TMEM230: variants seen among roughly 807,000 people sequenced by gnomAD.
TMEM230 encodes UPF0414 transmembrane protein C20orf30.
A neutral mutation model predicts 15.8 loss-of-function variants in TMEM230; 10 were observed. The ratio of observed to expected loss-of-function variants is 0.63; its 90% CI spans 0.39 to 1.07. The LOEUF is 1.07. Among genes scored for constraint, TMEM230 ranks in the 50% least tolerant of loss-of-function variants. TMEM230 has a pLI of 0.01. For missense variants in TMEM230, 165 were observed against 193.3 expected (o/e 0.85, Z 0.87); for synonymous variants, 67 against 76.9 (o/e 0.87, Z 0.68).
downstream of TMEM230, chr20:5,098,552 G>A (rs373714060): frequency 3.8e-4 from 58 of 152,182 alleles, no homozygotes; most frequent in African/African-American, 1.3e-3. Flanking sequence ...GTCTGATTTT[G>A]GCTTCATAAA....
intron 3 of TMEM230, among the ~76,000 whole-genome samples, chr20:5,075,841 C>T (rs1481886134): frequency 6.6e-6 from 1 of 151,730 alleles, no homozygotes; most frequent in African/African-American, 2.4e-5. Flanking sequence ...AACAATGAGA[C>T]CAGGTTTAGT....
intron 3 of TMEM230, among the ~76,000 whole-genome samples, chr20:5,085,286 TTTC>T (rs1398008347): frequency 6.6e-6 from 1 of 151,964 alleles, no homozygotes; most frequent in African/African-American, 2.4e-5. Context: ...TTTTTTTGTT[TTTC>T]TTTTTTTCTT....
At chr20:5,104,285 C>G (rs2089984962) in intron 4 of TMEM230, among the ~76,000 whole-genome samples, 1 of 152,198 alleles carries the variant, frequency 6.6e-6, no homozygotes, top group African/African-American at 2.4e-5. Flanking sequence ...GTCTCGAACT[C>G]CTGGGCTCAA....
downstream of TMEM230, among the ~76,000 whole-genome samples, chr20:5,098,682 G>A (rs1430451269): frequency 6.6e-6 from 1 of 152,032 alleles, no homozygotes; most frequent in African/African-American, 2.4e-5. Flanking sequence ...TAGGAAGTTG[G>A]TTGATTTCTG....
At chr20:5,078,018 C>T (rs1334385256) in intron 3 of TMEM230, among the ~76,000 whole-genome samples, 1 of 151,208 alleles carries the variant, frequency 6.6e-6, no homozygotes, top group African/African-American at 2.5e-5. Context: ...TGTATCAACA[C>T]TTCATGAATG....
chr20:5,092,728 A>AT (rs1470660031), intron 3 of TMEM230, among the ~76,000 whole-genome samples: 1 of 152,128 alleles, frequency 6.6e-6, no homozygotes, highest in East Asian at 1.9e-4. Flanking sequence ...AAAAAAAAAA[A>AT]AAAAGAGAGA....
At position 5,106,283 on chromosome 20, in the gene TMEM230, A is replaced by G. The variant is rs746223968; in HGVS notation, c.316T>C (p.Tyr106His). The change falls in exon 4 of 5, where the codon TAT (tyrosine) becomes CAT (histidine). Residue 106 changes from tyrosine to histidine, a missense_variant. By Grantham distance (83) the Tyr-to-His change is moderately conservative (BLOSUM62 2). Coordinates refer to ENST00000342308, the MANE Select transcript of TMEM230 (RefSeq NM_001009923.2). ...ACAGTGGCAAGTGCGATGGCCTTATAAGGGATCTTAGGAGGGGTTTTCTTA... is the reference window on the plus strand; with the variant it reads ...ACAGTGGCAAGTGCGATGGCCTTATGAGGGATCTTAGGAGGGGTTTTCTTA... 1.2e-5 allele frequency: 19 copies of G among 1,612,514 alleles called. 1 individual carries two copies. The highest frequency in any genetic ancestry group is 4.5e-5 in the East Asian group (2 of 44,840).
At chr20:5,109,635 T>A (rs1461598777) in intron 2 of TMEM230, among the ~76,000 whole-genome samples, 190 bp from the exon 2 acceptor site, 2 of 152,156 alleles carry the variant, frequency 1.3e-5, no homozygotes, top group African/African-American at 2.4e-5. Flanking sequence ...GAAAACCAGA[T>A]ATGCCTCTGA....
chr20:5,081,665 C>A (rs1229050750), intron 3 of TMEM230, among the ~76,000 whole-genome samples: 3 of 152,054 alleles, frequency 2.0e-5, no homozygotes, highest in African/African-American at 7.2e-5. Flanking sequence ...TCACCAGTAC[C>A]CAAAGCCTAG....
chr20:5,105,952 G>A (rs1325561246), intron 4 of TMEM230, among the ~76,000 whole-genome samples: 1 of 152,090 alleles, frequency 6.6e-6, no homozygotes, highest in Non-Finnish European at 1.5e-5. Flanking sequence ...TGTAGTCCCA[G>A]CTACTCGGGA....
Position 5,100,368 on chromosome 20 carries a change from T to C in TMEM230, c.*423A>G. The C allele has an allele frequency of 1.0e-6, 1 of 985,986 alleles. No homozygotes were observed. Among genetic ancestry groups the C allele is most frequent in the Non-Finnish European group, 1.2e-6 (1 of 830,038 alleles). The allele number at this position is 985,986 out of a possible 1,614,324, so 61.1% of individuals were successfully genotyped here. On this transcript the variant is annotated 3_prime_UTR_variant, in exon 5 of 5. Transcript: ENST00000342308. ...TGGAACATGAAGGTAGGGATAAGTGTACAGGATAATATACTCAGATATTTT... is the reference window on the plus strand; with the variant it reads ...TGGAACATGAAGGTAGGGATAAGTGCACAGGATAATATACTCAGATATTTT...
At chr20:5,084,378 C>T (rs919347309) in intron 3 of TMEM230, among the ~76,000 whole-genome samples, 1 of 151,718 alleles carries the variant, frequency 6.6e-6, no homozygotes, top group African/African-American at 2.4e-5. Context: ...CGTACGCCAC[C>T]ACGCCTGGCT....
At chr20:5,090,693 G>A (rs1251989525) in intron 3 of TMEM230, among the ~76,000 whole-genome samples, 1 of 151,814 alleles carries the variant, frequency 6.6e-6, no homozygotes, top group South Asian at 2.1e-4. Flanking sequence ...TATGAATAGC[G>A]TTTGTGTATC....
At chr20:5,075,454 T>G (rs1411227645) in intron 3 of TMEM230, among the ~76,000 whole-genome samples, 1 of 151,812 alleles carries the variant, frequency 6.6e-6, no homozygotes, top group Non-Finnish European at 1.5e-5. Context: ...CCAGGCGCGG[T>G]GGCTCATGCC....
At chr20:5,105,695 A>G (rs2090047970) in intron 4 of TMEM230, among the ~76,000 whole-genome samples, 1 of 152,124 alleles carries the variant, frequency 6.6e-6, no homozygotes, top group Non-Finnish European at 1.5e-5. Context: ...GTATCAAAAT[A>G]CCTCATGTAT....
chr20:5,062,096 C>T, the TMEM230 span, among the ~76,000 whole-genome samples: 3 of 151,952 alleles, frequency 2.0e-5, no homozygotes, highest in Non-Finnish European at 4.4e-5. Context: ...ATGGCGGGTG[C>T]CTGTAATCCC....
At chr20:5,093,636 A>C (rs907681173) in intron 3 of TMEM230, among the ~76,000 whole-genome samples, 1 of 151,726 alleles carries the variant, frequency 6.6e-6, no homozygotes, top group African/African-American at 2.4e-5. Flanking sequence ...TCCCGGGTTC[A>C]AGTGATTCTC....
At chr20:5,063,249 A>G (rs2088622799), downstream of TMEM230, among the ~76,000 whole-genome samples, 1 of 148,766 alleles carries the variant, frequency 6.7e-6, no homozygotes, top group Non-Finnish European at 1.5e-5. Context: ...CATCCCCCTC[A>G]ACAGGAATCA....
chr20:5,069,066 T>C, exon 4 of TMEM230: 1 of 864,902 alleles, frequency 1.2e-6, no homozygotes, highest in Non-Finnish European at 1.7e-6. Context: ...TATCCTGCTC[T>C]TAGTAGGAGA....
Sources: allele counts gnomAD v4.1 joint callset (sites outside exome capture counted in the v4.1 genomes callset), GRCh38; gene constraint gnomAD v4.1.1; transcripts MANE v1.5; gene names NCBI Gene and HGNC (gene_info 2026-07-23, HGNC 2026-07-21).